TBK1: variants seen among roughly 807,000 people sequenced by gnomAD.
The protein encoded by TBK1 is serine/threonine-protein kinase TBK1.
In TBK1, 37 loss-of-function variants were observed where a neutral mutation model predicts 99.9. The observed-to-expected ratio is 0.37, with a 90% CI of 0.28 to 0.49. The LOEUF is 0.49. TBK1 is among the 20% of genes least tolerant of loss of function. TBK1 has a pLI of 0.98. For synonymous variants in TBK1, 258 were observed against 279.8 expected, an observed-to-expected ratio of 0.92 and a Z score of 0.78; for missense variants, 644 against 872.5, an observed-to-expected ratio of 0.74 and a Z score of 3.30.
chr12:64,468,974 GCCTACTGCATCAGTCTGAAC>G (rs1195634979), intron 5 of TBK1, among the ~76,000 whole-genome samples: 14 of 151,986 alleles, frequency 9.2e-5, no homozygotes, highest in African/African-American at 3.1e-4. Context: ...CATCAGTCTA[GCCTACTGCATCAGTCTGAAC>G]CCTACTGCAT....
chr12:64,470,997 G>C (rs1442035698), intron 5 of TBK1, among the ~76,000 whole-genome samples: 1 of 152,028 alleles, frequency 6.6e-6, no homozygotes, highest in East Asian at 1.9e-4. Flanking sequence ...TTCAAATACA[G>C]TGCACCAGAA....
chr12:64,497,623 T>C (rs1385596307), intron 18 of TBK1, 25 bp from the exon 19 acceptor site: 1 of 943,830 alleles, frequency 1.1e-6, no homozygotes, highest in Non-Finnish European at 1.4e-6. Context: ...GTTTTTTTCT[T>C]TTTTTTTTTT....
intron 11 of TBK1, among the ~76,000 whole-genome samples, chr12:64,487,459 T>C (rs2040830709): frequency 6.6e-6 from 1 of 152,156 alleles, no homozygotes; most frequent in African/African-American, 2.4e-5. Flanking sequence ...ACCCATAAAT[T>C]TGTGTTTATC....
Position 64,461,498 on chromosome 12 carries a change from T to C in TBK1, c.228+1169T>C, listed in dbSNP as rs1592354508. 1.3e-5 allele frequency among the ~76,000 whole-genome samples: 2 copies of C among 152,226 alleles called. 1 individual carries two copies. Among genetic ancestry groups the C allele is most frequent in the South Asian group, 4.1e-4 (2 of 4,832 alleles). ...TCTTAGGAAGTAATCAGAAATATAA[T>C]TTTATGCATGAAGATGTTAATTGGC... On this transcript the variant is annotated intron_variant, in intron 3 of 20. Coordinates refer to ENST00000331710, the MANE Select transcript of TBK1 (RefSeq NM_013254.4).
At chr12:64,470,060 G>C (rs2040646365) in intron 5 of TBK1, among the ~76,000 whole-genome samples, 1 of 152,148 alleles carries the variant, frequency 6.6e-6, no homozygotes, top group Non-Finnish European at 1.5e-5. Context: ...CTCAGGAGTT[G>C]GAGAAACAGA....
intron 18 of TBK1, 28 bp downstream of exon 18, chr12:64,497,287 AAATT>A (rs1311333166): frequency 8.9e-6 from 13 of 1,453,186 alleles, no homozygotes; most frequent in Non-Finnish European, 1.2e-5. Context: ...GGAAAAATTA[AAATT>A]CTTCTCAGTT....
chr12:64,459,152 T>G (rs555305287), intron 2 of TBK1, among the ~76,000 whole-genome samples: 3 of 152,096 alleles, frequency 2.0e-5, no homozygotes, highest in African/African-American at 7.2e-5. Flanking sequence ...GAAATGTCTT[T>G]AGCCATGAAA....
intron 13 of TBK1, among the ~76,000 whole-genome samples, chr12:64,494,847 C>G (rs979611326): frequency 6.6e-6 from 1 of 152,204 alleles, no homozygotes; most frequent in African/African-American, 2.4e-5. Context: ...TCAGCTACTA[C>G]TGACAACATT....
At chr12:64,454,606 G>A (rs1422909488) in intron 1 of TBK1, among the ~76,000 whole-genome samples, 5 of 150,426 alleles carry the variant, frequency 3.3e-5, no homozygotes, top group Non-Finnish European at 1.5e-5. Context: ...GTATGTCATT[G>A]GTTAATGTTT....
At chr12:64,457,225 G>A (rs1011175882) in intron 2 of TBK1, among the ~76,000 whole-genome samples, 2 of 152,126 alleles carry the variant, frequency 1.3e-5, no homozygotes, top group African/African-American at 4.8e-5. Flanking sequence ...TGTTTCCTCT[G>A]GGGAGAGAAT....
At chr12:64,474,808 C>T (rs1043087793) in intron 6 of TBK1, among the ~76,000 whole-genome samples, 3 of 152,154 alleles carry the variant, frequency 2.0e-5, no homozygotes, top group Non-Finnish European at 4.4e-5. Context: ...GAACTGATTC[C>T]TTTTACCATT....
intron 20 of TBK1, 148 bp from the exon 21 acceptor site, chr12:64,501,182 C>T: frequency 2.9e-6 from 2 of 699,584 alleles, no homozygotes; most frequent in Non-Finnish European, 4.8e-6. Context: ...CATGCTGTTC[C>T]AGTAAGAAAT....
chr12:64,488,834 A>G (rs954407303), intron 12 of TBK1, among the ~76,000 whole-genome samples: 8 of 152,190 alleles, frequency 5.3e-5, no homozygotes, highest in Admixed American at 2.0e-4. Context: ...TCTACTAAAA[A>G]TACAAACATT....
chr12:64,487,631 C>A (rs945622363), intron 11 of TBK1, among the ~76,000 whole-genome samples: 4 of 152,048 alleles, frequency 2.6e-5, no homozygotes, highest in Admixed American at 1.3e-4. Flanking sequence ...GCTTTTATTC[C>A]TTTTACTTAT....
chr12:64,471,438 C>T (rs1479252771), intron 5 of TBK1, among the ~76,000 whole-genome samples: 3 of 152,092 alleles, frequency 2.0e-5, no homozygotes, highest in Non-Finnish European at 4.4e-5. Context: ...CTGCAACCTC[C>T]ACCTCCTGGA....
In TBK1 at chr12:64,497,678, A is replaced by G; in HGVS notation, c.1990A>G (p.Thr664Ala). Residue 664 changes from threonine (T) to alanine (A), a missense_variant, in exon 19 of 21, where the codon ACA (threonine) becomes GCA (alanine). This residue lies in a region of TBK1 where 465 missense variants were observed against 588.0 expected (regional missense o/e 0.79). Transcript: ENST00000331710. ...AGAAACTCTGCCTCAGAAAATGTTTACAGCTTCCAGTGGAATCAAACATAC... is the reference window on the plus strand; with the variant it reads ...AGAAACTCTGCCTCAGAAAATGTTTGCAGCTTCCAGTGGAATCAAACATAC... ...LQETLPQKMF[T>A]ASSGIKHTMT... is the part of the protein sequence containing the mutation. 2 of 1,562,498 alleles carry G rather than the reference A, an allele frequency of 1.3e-6. No homozygotes were observed. Among genetic ancestry groups the G allele is most frequent in the South Asian group, 1.2e-5 (1 of 84,218 alleles).
intron 3 of TBK1, among the ~76,000 whole-genome samples, chr12:64,460,620 G>T (rs962318284): frequency 6.6e-6 from 1 of 151,994 alleles, no homozygotes; most frequent in Non-Finnish European, 1.5e-5. Flanking sequence ...TAGATCATGC[G>T]GTCAAGAGAT....
chr12:64,475,960 C>G (rs929338366), intron 6 of TBK1, among the ~76,000 whole-genome samples: 31 of 152,104 alleles, frequency 2.0e-4, no homozygotes, highest in African/African-American at 7.2e-4. Context: ...AGGGGCTGAA[C>G]TAATTTGCAT....
At chr12:64,497,614 T>TTG (rs759193469) in intron 18 of TBK1, 34 bp from the exon 19 acceptor site, 3 of 1,311,276 alleles carry the variant, frequency 2.3e-6, no homozygotes, top group African/African-American at 3.3e-5. Flanking sequence ...TAATGTGGGG[T>TTG]TTTTTTCTTT....
Sources: allele counts gnomAD v4.1 joint callset (sites outside exome capture counted in the v4.1 genomes callset), GRCh38; gene constraint gnomAD v4.1.1; regional missense constraint gnomAD v4.1.1; transcripts MANE v1.5; gene names NCBI Gene and HGNC (gene_info 2026-07-23, HGNC 2026-07-21).